The following PPP5C variants were observed in gnomAD, a reference collection of about 807,000 sequenced individuals.
The protein encoded by PPP5C is serine/threonine-protein phosphatase 5.
Under a neutral mutation model 66.7 loss-of-function variants are expected in PPP5C, and 21 were observed. That is an observed-to-expected ratio of 0.31 (90% CI 0.22 to 0.45). PPP5C has a LOEUF of 0.45. Ranked by LOEUF, PPP5C falls within the 20% of genes least tolerant of loss-of-function variation. The pLI, the probability that PPP5C is intolerant of heterozygous loss-of-function variation, is 1.00. For missense variants in PPP5C, 464 were observed against 675.9 expected (o/e 0.69, Z 3.48); for synonymous variants, 246 against 257.4 (o/e 0.96, Z 0.43).
intron 2 of PPP5C, among the ~76,000 whole-genome samples, chr19:46,371,667 A>G (rs182563193): frequency 5.9e-5 from 9 of 152,264 alleles, no homozygotes; most frequent in Admixed American, 3.9e-4. Context: ...CTGACTTATT[A>G]TACAGAGAAT....
chr19:46,381,944 C>T (rs1304140746), intron 4 of PPP5C: 1 of 152,066 alleles, frequency 6.6e-6, no homozygotes, highest in African/African-American at 2.4e-5. Context: ...GGCAGAATTC[C>T]AGGGATGTCT....
intron 4 of PPP5C, among the ~76,000 whole-genome samples, chr19:46,381,311 T>C (rs73561193): frequency 0.03 from 4,644 of 152,330 alleles, 267 homozygotes; most frequent in African/African-American, 0.11. Context: ...TTAACGTCTC[T>C]GTCTGATAGT....
chr19:46,353,732 T>C lies in PPP5C; in HGVS notation c.122-16T>C, dbSNP rs1164017887. Reference sequence around the variant, plus strand: ...GGTTGGAGCACTGCCTCATGCCTCTTCTTCTGTCTCCGCAGCCAAGGACTA... The same window carrying C: ...GGTTGGAGCACTGCCTCATGCCTCTCCTTCTGTCTCCGCAGCCAAGGACTA... On this transcript the variant is annotated splice_polypyrimidine_tract_variant and intron_variant, in intron 1 of 12. Transcript: ENST00000012443. 1 of 1,613,892 alleles carries C rather than the reference T, an allele frequency of 6.2e-7. No individual in the cohort carries two copies. The highest frequency in any genetic ancestry group is 8.5e-7 in the Non-Finnish European group (1 of 1,179,894).
chr19:46,353,380 C>A (rs936606959), intron 1 of PPP5C, among the ~76,000 whole-genome samples: 10 of 152,196 alleles, frequency 6.6e-5, no homozygotes, highest in Non-Finnish European at 8.8e-5. Flanking sequence ...CTCTCCTCCC[C>A]CTGCCCACTC....
At chr19:46,372,165 A>C (rs1279394192) in intron 2 of PPP5C, among the ~76,000 whole-genome samples, 1 of 151,928 alleles carries the variant, frequency 6.6e-6, no homozygotes, top group Non-Finnish European at 1.5e-5. Context: ...CCTATGATAG[A>C]GCATGTACAC....
chr19:46,364,342 G>T (rs1005082344), intron 2 of PPP5C, among the ~76,000 whole-genome samples: 3 of 152,170 alleles, frequency 2.0e-5, no homozygotes, highest in Non-Finnish European at 4.4e-5. Context: ...TCGGCCAGAT[G>T]CAGTGGCTCA....
At chr19:46,361,799 C>T (rs1972397402) in intron 2 of PPP5C, among the ~76,000 whole-genome samples, 1 of 151,106 alleles carries the variant, frequency 6.6e-6, no homozygotes, top group African/African-American at 2.4e-5. Context: ...AAATTTTGCT[C>T]AAAAGAGAAA....
intron 2 of PPP5C, among the ~76,000 whole-genome samples, chr19:46,366,352 GTTT>G (rs1224564382): frequency 1.3e-5 from 2 of 148,264 alleles, no homozygotes; most frequent in African/African-American, 4.9e-5. Flanking sequence ...TGTGGTTTTT[GTTT>G]TTTTTTTAGA....
In PPP5C at chr19:46,353,820, A is replaced by G. The variant is rs1427646791; in HGVS notation, c.194A>G (p.Tyr65Cys). 1.9e-6 allele frequency: 3 copies of G among 1,613,614 alleles called. No individual in the cohort carries two copies. Among genetic ancestry groups the G allele is most frequent in the Non-Finnish European group, 2.5e-6 (3 of 1,179,928 alleles). The change falls in exon 2 of 13, where the codon TAT becomes TGT. Residue 65 changes from tyrosine (Y) to cysteine (C), a missense_variant. Coordinates refer to ENST00000012443, the MANE Select transcript of PPP5C (RefSeq NM_006247.4). ...IELNPSNAIY[Y>C]GNRSLAYLRT... ...CTGAACCCCAGCAATGCCATCTACT[A>G]TGGCAACCGCAGCCTGGCCTACCTG...
chr19:46,390,871 G>A lies in PPP5C; in HGVS notation c.*525G>A. On this transcript the variant is annotated 3_prime_UTR_variant, in exon 13 of 13. Coordinates refer to ENST00000012443, the MANE Select transcript of PPP5C (RefSeq NM_006247.4). ...GAAGTCAGCTTGTCTCTGGATGGTG[G>A]AGCCGAAGGAGCTGCCCGGGTTGGG... 8.8e-7 allele frequency: 1 copy of A among 1,140,542 alleles called. No homozygotes were observed. Among genetic ancestry groups the A allele is most frequent in the South Asian group, 1.9e-5 (1 of 53,014 alleles). 70.7% of individuals were successfully genotyped at this position (1,140,542 alleles called of 1,614,324 possible).
intron 11 of PPP5C, among the ~76,000 whole-genome samples, chr19:46,389,401 A>AGAGTGTTGATC (rs1568579878): frequency 4.3e-5 from 1 of 23,380 alleles, no homozygotes; most frequent in Non-Finnish European, 1.1e-4. Context: ...ACACACACAC[A>AGAGTGTTGATC]CACACACACA....
rs571926162 is a variant in PPP5C at position 46,369,415 on chromosome 19, G to A, written c.364-6189G>A. Among the ~76,000 whole-genome samples the A allele has an allele frequency of 3.9e-5, 6 of 152,198 alleles. No homozygotes were observed. The East Asian group carries it at 7.7e-4, about 20-fold the overall frequency. ...TGGGAGGCCGAGGCGGGTGGATCACGAGGTCAGGAGATCAAGACCATCCTG... is the reference window on the plus strand; with the variant it reads ...TGGGAGGCCGAGGCGGGTGGATCACAAGGTCAGGAGATCAAGACCATCCTG... On this transcript the variant is annotated intron_variant, in intron 2 of 12. Coordinates refer to ENST00000012443, the MANE Select transcript of PPP5C (RefSeq NM_006247.4).
At position 46,362,608 on chromosome 19, in the gene PPP5C, G is replaced by C. The variant is rs939295384; in HGVS notation, c.363+8619G>C. Among the ~76,000 whole-genome samples, 17 of 152,040 alleles carry C rather than the reference G, an allele frequency of 1.1e-4. No individual in the cohort carries two copies. In the East Asian group the frequency reaches 3.3e-3, roughly 29 times the overall value. ...TTTAATTTATTCATTTTTAGTGATT[G>C]TTGGGAAAATTTCGTGAGACAGACA... On this transcript the variant is annotated intron_variant, in intron 2 of 12. Coordinates refer to ENST00000012443, the MANE Select transcript of PPP5C (RefSeq NM_006247.4).
At chr19:46,375,925 C>A (rs58338358) in intron 3 of PPP5C, among the ~76,000 whole-genome samples, 174 bp downstream of exon 3, 18,282 of 152,174 alleles carry the variant, frequency 0.12, 1,649 homozygotes, top group East Asian at 0.39. Context: ...CAAAGCTGGG[C>A]CTCACGCTTC....
chr19:46,357,543 G>A (rs1972308029), intron 2 of PPP5C, among the ~76,000 whole-genome samples: 1 of 152,210 alleles, frequency 6.6e-6, no homozygotes, highest in Non-Finnish European at 1.5e-5. Context: ...TCCACAGGTT[G>A]AGGACTTAGT....
chr19:46,369,926 GA>G (rs58057964), intron 2 of PPP5C, among the ~76,000 whole-genome samples: 3 of 144,036 alleles, frequency 2.1e-5, no homozygotes, highest in Non-Finnish European at 4.5e-5. Context: ...ACTCCGTCTG[GA>G]AAAAAAAAAA....
At chr19:46,348,557 G>A (rs764007744) in intron 1 of PPP5C, among the ~76,000 whole-genome samples, 4 of 152,002 alleles carry the variant, frequency 2.6e-5, no homozygotes, top group Admixed American at 6.6e-5. Context: ...CAGGTGATCC[G>A]CCCATCTCGG....
At chr19:46,373,607 C>T (rs149857247) in intron 2 of PPP5C, among the ~76,000 whole-genome samples, 2,644 of 142,120 alleles carry the variant, frequency 0.019, 33 homozygotes, top group South Asian at 0.064. Flanking sequence ...AGGAGACTGG[C>T]GGGGAGGAAA....
intron 2 of PPP5C, among the ~76,000 whole-genome samples, chr19:46,364,131 G>T (rs1303280711): frequency 1.3e-5 from 2 of 151,998 alleles, no homozygotes; most frequent in Non-Finnish European, 2.9e-5. Context: ...GAAGAAAGAG[G>T]GATTGTGTAT....
Sources: allele counts gnomAD v4.1 joint callset (sites outside exome capture counted in the v4.1 genomes callset), GRCh38; gene constraint gnomAD v4.1.1; transcripts MANE v1.5; gene names NCBI Gene and HGNC (gene_info 2026-07-23, HGNC 2026-07-21).